Variants in C7orf78 observed in about 807,000 individuals in gnomAD.
C7orf78 encodes putative uncharacterized protein C7orf78.
chr7:12,516,589 C>A, the C7orf78 span, among the ~76,000 whole-genome samples: 1 of 152,170 alleles, frequency 6.6e-6, no homozygotes, highest in African/African-American at 2.4e-5. Flanking sequence ...CCTGGAAAAG[C>A]CACAGACACT....
chr7:12,501,372 C>A, the C7orf78 span, among the ~76,000 whole-genome samples: 2 of 149,400 alleles, frequency 1.3e-5, no homozygotes, highest in Non-Finnish European at 3.0e-5. Flanking sequence ...TGATAAGCAA[C>A]TTCAGCAAAG....
At chr7:12,497,526 C>G in the C7orf78 span, among the ~76,000 whole-genome samples, 1 of 152,140 alleles carries the variant, frequency 6.6e-6, no homozygotes, top group Non-Finnish European at 1.5e-5. Context: ...GCTTTTCCCA[C>G]GGGCTTAAAA....
chr7:12,505,103 A>G, the C7orf78 span, among the ~76,000 whole-genome samples: 2 of 152,102 alleles, frequency 1.3e-5, no homozygotes, highest in African/African-American at 4.8e-5. Flanking sequence ...GAAGAAATTC[A>G]AAAGAATGTT....
At chr7:12,520,269 T>G in the C7orf78 span, among the ~76,000 whole-genome samples, 174 of 152,338 alleles carry the variant, frequency 1.1e-3, 2 homozygotes, top group Admixed American at 8.6e-3. Context: ...TGGTTAAGTT[T>G]TGTTTCTTCT....
chr7:12,516,002 C>T, the C7orf78 span, among the ~76,000 whole-genome samples: 4 of 152,292 alleles, frequency 2.6e-5, no homozygotes, highest in East Asian at 7.7e-4. Context: ...AGAAATTCAA[C>T]CTGGCTGCAG....
the C7orf78 span, among the ~76,000 whole-genome samples, chr7:12,510,835 T>A: frequency 1.3e-5 from 2 of 152,184 alleles, no homozygotes; most frequent in African/African-American, 2.4e-5. Context: ...TCTCTTCTAT[T>A]CTGTAGATTA....
At chr7:12,491,421 C>A in the C7orf78 span, 3 of 152,240 alleles carry the variant, frequency 2.0e-5, no homozygotes, top group Admixed American at 2.0e-4. Context: ...TATTTTACTG[C>A]CTCAAGATTT....
the C7orf78 span, among the ~76,000 whole-genome samples, chr7:12,489,990 A>T: frequency 6.6e-6 from 1 of 152,138 alleles, no homozygotes; most frequent in Non-Finnish European, 1.5e-5. Context: ...TTCATTTTTG[A>T]AATTTTCCAT....
the C7orf78 span, among the ~76,000 whole-genome samples, chr7:12,505,700 TTC>T: frequency 1.4e-5 from 2 of 146,870 alleles, no homozygotes; most frequent in African/African-American, 4.8e-5. Context: ...TTTCCTTAAT[TTC>T]TCAGTCATAT....
chr7:12,501,041 T>G, the C7orf78 span, among the ~76,000 whole-genome samples: 1 of 151,530 alleles, frequency 6.6e-6, no homozygotes, highest in African/African-American at 2.4e-5. Context: ...CACTTCATGC[T>G]AAAAACTCTC....
the C7orf78 span, chr7:12,538,239 T>C: frequency 6.6e-6 from 1 of 152,228 alleles, no homozygotes; most frequent in South Asian, 2.1e-4. Context: ...TCATTCATTC[T>C]AAATTAACAT....
At chr7:12,499,660 A>G in the C7orf78 span, among the ~76,000 whole-genome samples, 19 of 151,582 alleles carry the variant, frequency 1.3e-4, no homozygotes, top group Non-Finnish European at 2.9e-5. Flanking sequence ...TGTCAACATT[A>G]GACAGATCAA....
the C7orf78 span, among the ~76,000 whole-genome samples, chr7:12,531,337 C>T: frequency 1.3e-5 from 2 of 152,108 alleles, no homozygotes; most frequent in African/African-American, 4.8e-5. Context: ...GCATAATCAC[C>T]TCTCACAGCT....
the C7orf78 span, among the ~76,000 whole-genome samples, chr7:12,496,049 C>T: frequency 6.6e-6 from 1 of 152,122 alleles, no homozygotes; most frequent in East Asian, 1.9e-4. Flanking sequence ...CCTCAGCCTC[C>T]AGAGTAGGTG....
chr7:12,514,183 C>G, the C7orf78 span, among the ~76,000 whole-genome samples: 2 of 152,008 alleles, frequency 1.3e-5, no homozygotes, highest in African/African-American at 4.8e-5. Context: ...GAATCTATGT[C>G]TCTCTTTAGA....
chr7:12,507,151 A>AG, the C7orf78 span: 17 of 231,278 alleles, frequency 7.4e-5, no homozygotes, highest in African/African-American at 3.4e-4. Flanking sequence ...ATACAAAAAA[A>AG]AAAAAAAAAG....
chr7:12,528,013 A>G, the C7orf78 span, among the ~76,000 whole-genome samples: 2 of 149,682 alleles, frequency 1.3e-5, no homozygotes, highest in African/African-American at 2.5e-5. Context: ...AGAAAATGCC[A>G]TCTAGCTGTG....
chr7:12,513,745 A>T, the C7orf78 span, among the ~76,000 whole-genome samples: 1 of 151,648 alleles, frequency 6.6e-6, no homozygotes. Context: ...TCATGCCTGT[A>T]ATCCCAGCAC....
chr7:12,505,171 G>C, the C7orf78 span, among the ~76,000 whole-genome samples: 1 of 151,962 alleles, frequency 6.6e-6, no homozygotes, highest in South Asian at 2.1e-4. Context: ...AATATGATTA[G>C]ATGTTTGGGT....
Sources: gnomAD v4.1 joint callset for allele counts (sites outside exome capture counted in the v4.1 genomes callset) on GRCh38, gnomAD v4.1.1 for gene constraint, MANE v1.5 for transcripts, NCBI Gene and HGNC (gene_info 2026-07-23, HGNC 2026-07-21) for gene names.